Variants in SPAG16 observed in about 807,000 individuals in gnomAD.
SPAG16 encodes sperm associated antigen 16.
SPAG16 carries 86 observed loss-of-function variants against 80.4 expected under a neutral mutation model. That is an observed-to-expected ratio of 1.07 (90% confidence interval 0.90 to 1.28). The LOEUF is 1.28. Ranked by LOEUF, SPAG16 falls within the 50% of genes most tolerant of loss-of-function variation. SPAG16 has a pLI of 0.00. For synonymous variants in SPAG16, 294 were observed against 265.9 expected (o/e 1.11, Z -1.03); for missense variants, 870 against 765.3 (o/e 1.14, Z -1.61).
At chr2:213,495,879 G>GT (rs1553546579) in intron 10 of SPAG16, among the ~76,000 whole-genome samples, 5 of 152,282 alleles carry the variant, frequency 3.3e-5, no homozygotes, top group South Asian at 2.1e-4. Flanking sequence ...GGTCCGGCAT[G>GT]GACAGAATAA....
At chr2:214,364,274 T>G (rs1234688645) in intron 15 of SPAG16, among the ~76,000 whole-genome samples, 1 of 152,088 alleles carries the variant, frequency 6.6e-6, no homozygotes, top group Non-Finnish European at 1.5e-5. Context: ...ATTAACTCAT[T>G]ACCACCTTTT....
At chr2:214,346,963 A>C (rs545749075) in intron 15 of SPAG16, among the ~76,000 whole-genome samples, 1 of 152,328 alleles carries the variant, frequency 6.6e-6, no homozygotes, top group African/African-American at 2.4e-5. Flanking sequence ...TAAGCCATTA[A>C]GTTTGGGGTT....
At chr2:213,863,485 G>T (rs1199255783) in intron 11 of SPAG16, among the ~76,000 whole-genome samples, 2 of 151,938 alleles carry the variant, frequency 1.3e-5, no homozygotes, top group African/African-American at 4.8e-5. Context: ...TTAGAAATTT[G>T]TAAGTTAATG....
chr2:214,296,993 T>A (rs1467218813), intron 15 of SPAG16, among the ~76,000 whole-genome samples: 1 of 152,204 alleles, frequency 6.6e-6, no homozygotes, highest in African/African-American at 2.4e-5. Flanking sequence ...CCATGATTGT[T>A]AGCTCACTGA....
At chr2:213,703,039 A>G (rs972449503) in intron 10 of SPAG16, among the ~76,000 whole-genome samples, 1 of 152,200 alleles carries the variant, frequency 6.6e-6, no homozygotes, top group Non-Finnish European at 1.5e-5. Flanking sequence ...TGTCCATAGA[A>G]GTGGAGGGTG....
At chr2:213,901,002 T>G (rs932127657) in intron 11 of SPAG16, among the ~76,000 whole-genome samples, 2 of 152,196 alleles carry the variant, frequency 1.3e-5, no homozygotes, top group African/African-American at 4.8e-5. Context: ...TTCTAAATTT[T>G]AAATATTTTG....
At chr2:214,263,647 G>A (rs546406918) in intron 15 of SPAG16, among the ~76,000 whole-genome samples, 13 of 152,212 alleles carry the variant, frequency 8.5e-5, no homozygotes, top group Admixed American at 7.2e-4. Flanking sequence ...AGATCTTTCA[G>A]GCTTAACATC....
At chr2:213,494,058 C>T (rs2074381806) in intron 10 of SPAG16, among the ~76,000 whole-genome samples, 1 of 152,194 alleles carries the variant, frequency 6.6e-6, no homozygotes, top group Non-Finnish European at 1.5e-5. Context: ...TCCTGCTTTT[C>T]CTCTCCTGAC....
chr2:214,399,299 C>A (rs771370099), intron 15 of SPAG16, among the ~76,000 whole-genome samples: 5 of 152,000 alleles, frequency 3.3e-5, no homozygotes, highest in Non-Finnish European at 5.9e-5. Flanking sequence ...AATTATAATT[C>A]TTTTATCACA....
At chr2:214,266,167 A>G (rs1054243826) in intron 15 of SPAG16, among the ~76,000 whole-genome samples, 5 of 151,924 alleles carry the variant, frequency 3.3e-5, no homozygotes, top group Admixed American at 2.0e-4. Flanking sequence ...TGTAAGTAAC[A>G]AAGACAGACA....
intron 15 of SPAG16, among the ~76,000 whole-genome samples, chr2:214,322,509 CA>C (rs34616486): frequency 0.016 from 2,184 of 136,752 alleles, 34 homozygotes; most frequent in African/African-American, 0.05. Context: ...TCACCTTAGG[CA>C]AAAAAAAAAA....
intron 10 of SPAG16, among the ~76,000 whole-genome samples, chr2:213,718,581 G>A (rs1305422649): frequency 6.6e-6 from 1 of 152,212 alleles, no homozygotes; most frequent in Non-Finnish European, 1.5e-5. Context: ...GCCCCGCACT[G>A]GAAGCAGCCA....
chr2:213,590,126 A>G (rs1195568468), intron 10 of SPAG16, among the ~76,000 whole-genome samples: 1 of 152,190 alleles, frequency 6.6e-6, no homozygotes, highest in African/African-American at 2.4e-5. Flanking sequence ...AGCGTTTGCT[A>G]TGAAAATCAG....
At chr2:214,084,939 TA>T in intron 13 of SPAG16, among the ~76,000 whole-genome samples, 1 of 152,328 alleles carries the variant, frequency 6.6e-6, no homozygotes, top group Non-Finnish European at 1.5e-5. Flanking sequence ...AAGTATGTGG[TA>T]AGTGCTGTTT....
chr2:214,200,442 G>A (rs1187758267), intron 15 of SPAG16, among the ~76,000 whole-genome samples: 1 of 152,122 alleles, frequency 6.6e-6, no homozygotes, highest in Admixed American at 6.6e-5. Context: ...AGACCCACTT[G>A]ATCATAATGG....
intron 10 of SPAG16, among the ~76,000 whole-genome samples, chr2:213,627,605 A>G (rs1574550740): frequency 6.6e-6 from 1 of 152,222 alleles, no homozygotes; most frequent in Admixed American, 6.5e-5. Context: ...CCTTTACCAC[A>G]CTATGAACTC....
intron 10 of SPAG16, among the ~76,000 whole-genome samples, chr2:213,748,722 T>C (rs2067947191): frequency 1.3e-5 from 2 of 152,190 alleles, no homozygotes; most frequent in South Asian, 4.1e-4. Flanking sequence ...AATACCTAGA[T>C]GATCAATTTA....
chr2:213,760,979 G>A (rs1351183682), intron 10 of SPAG16, among the ~76,000 whole-genome samples: 1 of 152,082 alleles, frequency 6.6e-6, no homozygotes, highest in Non-Finnish European at 1.5e-5. Context: ...ATTTATGGGA[G>A]GACTCTGCCT....
At chr2:213,729,236 T>C (rs1475441344) in intron 10 of SPAG16, among the ~76,000 whole-genome samples, 1 of 152,194 alleles carries the variant, frequency 6.6e-6, no homozygotes, top group Non-Finnish European at 1.5e-5. Flanking sequence ...GAATATTCTT[T>C]AAGAAGACAA....
Sources: gnomAD v4.1 joint callset for allele counts (sites outside exome capture counted in the v4.1 genomes callset) on GRCh38, gnomAD v4.1.1 for gene constraint, MANE v1.5 for transcripts, NCBI Gene and HGNC (gene_info 2026-07-23, HGNC 2026-07-21) for gene names.